The following ASTN2 variants were observed in gnomAD, a reference collection of about 807,000 sequenced individuals.
ASTN2 encodes the protein astrotactin-2.
Under a neutral mutation model 139.8 loss-of-function variants are expected in ASTN2, and 54 were observed. The observed-to-expected ratio is 0.39, with a 90% CI of 0.31 to 0.48. The LOEUF (loss-of-function observed/expected upper bound fraction) is 0.48, where lower values mean the gene tolerates loss of function less well. Among genes scored for constraint, ASTN2 ranks in the 20% least tolerant of loss-of-function variants. The pLI is 0.95. For synonymous variants in ASTN2, 756 were observed against 719.5 expected, an observed-to-expected ratio of 1.05 and a Z score of -0.81; for missense variants, 1,565 against 1,725.1, an observed-to-expected ratio of 0.91 and a Z score of 1.64.
intron 19 of ASTN2, among the ~76,000 whole-genome samples, chr9:116,555,408 C>T (rs1004211878): frequency 6.6e-6 from 1 of 152,180 alleles, no homozygotes; most frequent in Non-Finnish European, 1.5e-5. Context: ...CCTGCTCTGT[C>T]CCCACTCTCA....
intron 19 of ASTN2, among the ~76,000 whole-genome samples, chr9:116,508,926 C>T (rs999130169): frequency 1.3e-5 from 2 of 152,180 alleles, no homozygotes; most frequent in African/African-American, 2.4e-5. Context: ...TGTCACCATC[C>T]AGGTGGCACT....
At chr9:116,723,763 A>G (rs909936690) in intron 16 of ASTN2, among the ~76,000 whole-genome samples, 3 of 152,226 alleles carry the variant, frequency 2.0e-5, no homozygotes, top group Non-Finnish European at 4.4e-5. Flanking sequence ...ATGGAGGGGA[A>G]GAAACACACA....
intron 10 of ASTN2, among the ~76,000 whole-genome samples, chr9:116,873,028 T>C (rs10983388): frequency 0.075 from 11,430 of 152,224 alleles, 634 homozygotes; most frequent in East Asian, 0.28. Context: ...AGTAATATCA[T>C]AGATGAATAG....
chr9:117,170,182 G>C (rs1302375137), intron 3 of ASTN2, among the ~76,000 whole-genome samples: 2 of 151,948 alleles, frequency 1.3e-5, no homozygotes, highest in African/African-American at 4.8e-5. Context: ...CACATAGTAG[G>C]CACTAAATAA....
intron 16 of ASTN2, among the ~76,000 whole-genome samples, chr9:116,703,089 C>A (rs1171328162): frequency 2.6e-5 from 4 of 151,452 alleles, no homozygotes; most frequent in African/African-American, 9.7e-5. Flanking sequence ...GTTTACAGTC[C>A]CACCAACAGT....
At chr9:117,208,295 A>G (rs915668775) in intron 3 of ASTN2, among the ~76,000 whole-genome samples, 7 of 152,150 alleles carry the variant, frequency 4.6e-5, no homozygotes, top group Non-Finnish European at 1.0e-4. Flanking sequence ...TACATTCAAC[A>G]AAGAGATAGA....
At chr9:117,108,231 C>G (rs893763845) in intron 4 of ASTN2, among the ~76,000 whole-genome samples, 4 of 152,116 alleles carry the variant, frequency 2.6e-5, no homozygotes, top group African/African-American at 7.2e-5. Context: ...CCCAGTATTC[C>G]ATGCTAGGTA....
intron 5 of ASTN2, among the ~76,000 whole-genome samples, chr9:117,077,662 C>T (rs1029963936): frequency 6.6e-6 from 1 of 152,124 alleles, no homozygotes; most frequent in African/African-American, 2.4e-5. Flanking sequence ...GCAAGAGAAT[C>T]GCTTGAACCT....
intron 1 of ASTN2, among the ~76,000 whole-genome samples, chr9:117,340,642 T>C (rs140098049): frequency 1.7e-3 from 260 of 152,220 alleles, no homozygotes; most frequent in Non-Finnish European, 3.0e-3. Flanking sequence ...ACAGCTCTCA[T>C]AAAATCACTG....
chr9:116,494,393 C>T (rs1241717354), intron 19 of ASTN2, among the ~76,000 whole-genome samples: 1 of 152,172 alleles, frequency 6.6e-6, no homozygotes, highest in Non-Finnish European at 1.5e-5. Context: ...GCCCCCCTCA[C>T]CCCTGCTCCC....
At chr9:116,827,486 GTAAGCCAC>G (rs1436754403) in intron 11 of ASTN2, among the ~76,000 whole-genome samples, 1 of 151,966 alleles carries the variant, frequency 6.6e-6, no homozygotes, top group African/African-American at 2.4e-5. Context: ...AACAAAATTA[GTAAGCCAC>G]TAGCAAGAAA....
At chr9:116,876,720 C>T (rs571119897) in intron 10 of ASTN2, among the ~76,000 whole-genome samples, 2 of 152,296 alleles carry the variant, frequency 1.3e-5, no homozygotes, top group East Asian at 3.9e-4. Context: ...ACTGAAGATT[C>T]AGATGACCAT....
chr9:116,615,787 A>C (rs1471135111), intron 19 of ASTN2, among the ~76,000 whole-genome samples: 1 of 151,994 alleles, frequency 6.6e-6, no homozygotes, highest in Non-Finnish European at 1.5e-5. Flanking sequence ...TGATGAGTTA[A>C]TGGGTACAGC....
intron 15 of ASTN2, 136 bp from the exon 16 acceptor site, chr9:116,726,086 C>G (rs1828615316): frequency 1.4e-6 from 1 of 703,558 alleles, no homozygotes; most frequent in Non-Finnish European, 2.3e-6. Flanking sequence ...GGTGGCTGCA[C>G]TAGTCCAAAC....
chr9:117,266,001 T>C (rs932079605), intron 2 of ASTN2, among the ~76,000 whole-genome samples: 1 of 152,188 alleles, frequency 6.6e-6, no homozygotes, highest in African/African-American at 2.4e-5. Flanking sequence ...TCCATAAGAT[T>C]TGCTCTAGTG....
At chr9:117,222,607 T>C (rs1471902449) in intron 2 of ASTN2, among the ~76,000 whole-genome samples, 1 of 152,214 alleles carries the variant, frequency 6.6e-6, no homozygotes, top group African/African-American at 2.4e-5. Flanking sequence ...TTACCTGGAA[T>C]GATGCCCTCA....
chr9:116,728,050 T>C (rs1201249369), intron 15 of ASTN2, among the ~76,000 whole-genome samples: 1 of 152,160 alleles, frequency 6.6e-6, no homozygotes, highest in Non-Finnish European at 1.5e-5. Context: ...GAAAGTGTTA[T>C]TAGTAAGAGT....
intron 16 of ASTN2, among the ~76,000 whole-genome samples, chr9:116,704,758 C>T (rs1324856782): frequency 6.6e-6 from 1 of 152,132 alleles, no homozygotes. Context: ...TCATTCACAG[C>T]AATGTATCCC....
chr9:116,665,179 T>A (rs1858789017), intron 16 of ASTN2, among the ~76,000 whole-genome samples: 1 of 152,188 alleles, frequency 6.6e-6, no homozygotes, highest in Admixed American at 6.5e-5. Context: ...TACAGAACTG[T>A]GAGCCAAATA....
Sources: allele counts gnomAD v4.1 joint callset (sites outside exome capture counted in the v4.1 genomes callset), GRCh38; gene constraint gnomAD v4.1.1; transcripts MANE v1.5; gene names NCBI Gene and HGNC (gene_info 2026-07-23, HGNC 2026-07-21).